Variants in ZNF514 observed in about 807,000 individuals in gnomAD.
The protein encoded by ZNF514 is zinc finger protein 514.
A neutral mutation model predicts 9.7 loss-of-function variants in ZNF514; 12 were observed. The observed-to-expected ratio is 1.24, with a 90% CI of 0.79 to 2.01. The LOEUF (loss-of-function observed/expected upper bound fraction) is 2.01, where lower values mean the gene tolerates loss of function less well. Ranked by LOEUF, ZNF514 falls within the 30% of genes most tolerant of loss-of-function variation. ZNF514 has a pLI of 0.00. For missense variants in ZNF514, 467 were observed against 465.5 expected (o/e 1.00, Z -0.03); for synonymous variants, 158 against 163.7 (o/e 0.97, Z 0.27).
At chr2:95,138,097 G>A in the ZNF514 span, among the ~76,000 whole-genome samples, 2 of 152,224 alleles carry the variant, frequency 1.3e-5, no homozygotes, top group African/African-American at 2.4e-5. Flanking sequence ...TTCCTGTAAA[G>A]CCTGCAGAAC....
At position 95,146,352 on chromosome 2, in the gene ZNF514, G is replaced by GT. The variant is rs1238928405; in HGVS notation, c.*2929dup. Among the ~76,000 whole-genome samples the GT allele has an allele frequency of 6.6e-6, 1 of 152,112 alleles. No individual in the cohort carries two copies. The highest frequency in any genetic ancestry group is 6.5e-5 in the Admixed American group (1 of 15,270). Reference sequence around the variant, plus strand: ...ACAAATATGTTTATGATTACAAATGGTAAGATATGACTTCATATCAGTTTT... The same window carrying GT: ...ACAAATATGTTTATGATTACAAATGGTTAAGATATGACTTCATATCAGTTTT... On this transcript the variant is annotated 3_prime_UTR_variant, in exon 5 of 5. Transcript: ENST00000295208.
At chr2:95,134,251 C>T in the ZNF514 span, among the ~76,000 whole-genome samples, 1 of 152,154 alleles carries the variant, frequency 6.6e-6, no homozygotes, top group African/African-American at 2.4e-5. Flanking sequence ...TACTCATTTG[C>T]TCAAACCAGG....
At position 95,159,264 on chromosome 2, in the gene ZNF514, C is replaced by A; in HGVS notation, c.-120G>T. On this transcript the variant is annotated 5_prime_UTR_variant, in exon 1 of 5. Transcript: ENST00000295208. ...CCCCCGGCTCGGCTCCTCCTCAGGACCAGGCTCTGGAACCCAGCTCCCACG... is the reference window on the plus strand; with the variant it reads ...CCCCCGGCTCGGCTCCTCCTCAGGAACAGGCTCTGGAACCCAGCTCCCACG... 1 of 185,350 alleles carries A rather than the reference C, an allele frequency of 5.4e-6. No individual in the cohort carries two copies. The highest frequency in any genetic ancestry group is 1.1e-5 in the Non-Finnish European group (1 of 87,476). The allele number at this position is 185,350 out of a possible 1,614,324, so 11.5% of individuals were successfully genotyped here.
intron 4 of ZNF514, among the ~76,000 whole-genome samples, chr2:95,152,084 T>C (rs145012042): frequency 6.6e-6 from 1 of 152,292 alleles, no homozygotes; most frequent in East Asian, 1.9e-4. Flanking sequence ...CAGGAAAGCT[T>C]TGAGTCAAGA....
chr2:95,144,356 T>C (rs1417978733), downstream of ZNF514, among the ~76,000 whole-genome samples: 1 of 152,200 alleles, frequency 6.6e-6, no homozygotes, highest in Non-Finnish European at 1.5e-5. Context: ...CTTTCAGGCA[T>C]GTAATATCAG....
In ZNF514 at chr2:95,148,654, A is replaced by G. The variant is rs1255529367; in HGVS notation, c.*628T>C. On this transcript the variant is annotated 3_prime_UTR_variant, in exon 5 of 5. Transcript: ENST00000295208. The stretch of plus-strand genomic sequence containing the variant: ...CATCACGTCACCAGAGTTTCCAGCT[A>G]GTAGGGAGAGTTCTAAGGGGTTTAT... 6.6e-6 allele frequency: 1 copy of G among 152,302 alleles called. No individual in the cohort carries two copies. The highest frequency in any genetic ancestry group is 2.1e-4 in the South Asian group (1 of 4,836). The allele number at this position is 152,302 out of a possible 1,614,324, so 9.4% of individuals were successfully genotyped here.
At position 95,153,170 on chromosome 2, in the gene ZNF514, C is replaced by T. The variant is rs1452966702; in HGVS notation, c.84G>A (p.Glu28=). 2 of 1,613,894 alleles carry T rather than the reference C, an allele frequency of 1.2e-6. No individual in the cohort carries two copies. Among genetic ancestry groups the T allele is most frequent in the Admixed American group, 3.3e-5 (2 of 60,004 alleles). Reference sequence around the variant, plus strand: ...AGTTCCTGAAGTTCTCCAGCATCACCTCCCTGTAGAGGTCCTTCTGAGCAG... The same window carrying T: ...AGTTCCTGAAGTTCTCCAGCATCACTTCCCTGTAGAGGTCCTTCTGAGCAG... The part of the protein sequence containing the change: ...LNPAQKDLYR[E]VMLENFRNLA... The change falls in exon 3 of 5, where the codon GAG becomes GAA. Residue 28 remains glutamate (E), a synonymous_variant. Coordinates refer to ENST00000295208, the MANE Select transcript of ZNF514 (RefSeq NM_032788.3).
chr2:95,158,507 C>CT (rs1181303647), intron 1 of ZNF514, among the ~76,000 whole-genome samples: 5 of 152,222 alleles, frequency 3.3e-5, no homozygotes, highest in Non-Finnish European at 7.3e-5. Flanking sequence ...AGATACCCAC[C>CT]ATGTACACTG....
chr2:95,130,769 C>G, the ZNF514 span, among the ~76,000 whole-genome samples: 1 of 152,132 alleles, frequency 6.6e-6, no homozygotes, highest in Admixed American at 6.5e-5. Flanking sequence ...TCATATTGCT[C>G]AAACACACAT....
At position 95,158,929 on chromosome 2, in the gene ZNF514, AG is replaced by A. The variant is rs1442399695; in HGVS notation, c.-96+310del. The stretch of plus-strand genomic sequence containing the variant: ...TCGGGCTCGGTACTAGCTCCCCAAG[AG>A]GGCTCCTGGCCCTCTGCACGCTCCA... On this transcript the variant is annotated intron_variant, in intron 1 of 4. Coordinates refer to ENST00000295208, the MANE Select transcript of ZNF514 (RefSeq NM_032788.3). 9 of 1,289,730 alleles carry A rather than the reference AG, an allele frequency of 7.0e-6. No homozygotes were observed. In the Admixed American group the frequency reaches 1.8e-4, roughly 26 times the overall value. 79.9% of individuals were successfully genotyped at this position (1,289,730 alleles called of 1,614,324 possible). A position where few individuals can be genotyped will look rare whatever the true frequency, so the allele number is the denominator to read the frequency against.
the ZNF514 span, among the ~76,000 whole-genome samples, chr2:95,128,754 GAGA>G: frequency 9.3e-5 from 14 of 150,840 alleles, no homozygotes; most frequent in African/African-American, 2.4e-4. Flanking sequence ...GAAGAAGGAG[GAGA>G]AGAAGAGGGA....
Position 95,146,038 on chromosome 2 carries a change from T to C in ZNF514, c.*3244A>G, listed in dbSNP as rs997221466. Among the ~76,000 whole-genome samples the C allele has an allele frequency of 2.0e-5, 3 of 152,236 alleles. No homozygotes were observed. Among genetic ancestry groups the C allele is most frequent in the Non-Finnish European group, 2.9e-5 (2 of 68,044 alleles). ...AAATCTATTTTGGCGTAAAACACTT[T>C]GATTTCTCTCAGGACTTACTGTCAT... On this transcript the variant is annotated 3_prime_UTR_variant, in exon 5 of 5. Coordinates refer to ENST00000295208, the MANE Select transcript of ZNF514 (RefSeq NM_032788.3).
At chr2:95,140,831 C>T (rs563279048), downstream of ZNF514, among the ~76,000 whole-genome samples, 9 of 151,668 alleles carry the variant, frequency 5.9e-5, no homozygotes, top group African/African-American at 1.7e-4. Context: ...AAAAATTAGC[C>T]GGGCATGGTG....
rs1462766323 is a variant in ZNF514, at chr2:95,157,228, GC to G, written c.-7+122del. On this transcript the variant is annotated intron_variant, in intron 2 of 4. Coordinates refer to ENST00000295208, the MANE Select transcript of ZNF514 (RefSeq NM_032788.3). The stretch of plus-strand genomic sequence containing the variant: ...GCCATCATTCACTTGGATGGGCTCA[GC>G]CTCCTGCAGAGACAGCATTGGGTCA... 285 of 517,000 alleles carry G rather than the reference GC, an allele frequency of 5.5e-4. 1 individual carries two copies. Among genetic ancestry groups the G allele is most frequent in the East Asian group, 1.2e-3 (17 of 14,568 alleles). The allele number at this position is 517,000 out of a possible 1,614,324, so 32.0% of individuals were successfully genotyped here.
At chr2:95,157,786 GA>G (rs1673728004) in intron 1 of ZNF514, among the ~76,000 whole-genome samples, 1 of 152,120 alleles carries the variant, frequency 6.6e-6, no homozygotes, top group Non-Finnish European at 1.5e-5. Context: ...GAACTTCAAG[GA>G]ACTTTAAATC....
downstream of ZNF514, among the ~76,000 whole-genome samples, chr2:95,142,672 A>G (rs992190490): frequency 1.3e-5 from 2 of 152,204 alleles, no homozygotes; most frequent in African/African-American, 2.4e-5. Flanking sequence ...CTAGTCACCA[A>G]TGCTGGAAAT....
downstream of ZNF514, among the ~76,000 whole-genome samples, chr2:95,141,259 C>T (rs533215294): frequency 2.0e-4 from 30 of 152,140 alleles, no homozygotes; most frequent in Non-Finnish European, 3.4e-4. Flanking sequence ...AAGGCATTAA[C>T]GCTTACTCAA....
chr2:95,131,035 G>A, the ZNF514 span, among the ~76,000 whole-genome samples: 2 of 152,140 alleles, frequency 1.3e-5, no homozygotes, highest in Non-Finnish European at 2.9e-5. Flanking sequence ...CACAATTCAC[G>A]TTCTTCTGCC....
At chr2:95,132,381 T>C in the ZNF514 span, among the ~76,000 whole-genome samples, 3 of 152,248 alleles carry the variant, frequency 2.0e-5, no homozygotes, top group South Asian at 6.2e-4. Context: ...TGTCCCACCA[T>C]ATTAGCCATT....
Sources: gnomAD v4.1 joint callset for allele counts (sites outside exome capture counted in the v4.1 genomes callset) on GRCh38, gnomAD v4.1.1 for gene constraint, MANE v1.5 for transcripts, NCBI Gene and HGNC (gene_info 2026-07-23, HGNC 2026-07-21) for gene names.